The following TMEM132D variants were observed in gnomAD, a reference collection of about 807,000 sequenced individuals.
The protein encoded by TMEM132D is transmembrane protein 132D, also known as mature OL transmembrane protein.
Under a neutral mutation model 62.3 loss-of-function variants are expected in TMEM132D, and 21 were observed. That is an observed-to-expected ratio of 0.34 (90% confidence interval 0.24 to 0.49). The LOEUF is 0.49. Ranked by LOEUF, TMEM132D falls within the 20% of genes least tolerant of loss-of-function variation. The probability of loss-of-function intolerance (pLI) is 0.99; values close to 1 mark genes in which losing one functional copy is unlikely to be tolerated. For missense variants in TMEM132D, 1,346 were observed against 1,402.8 expected (o/e 0.96, Z 0.65); for synonymous variants, 621 against 575.6 (o/e 1.08, Z -1.13).
Position 129,903,971 on chromosome 12 carries a change from G to T in TMEM132D, c.-632C>A, listed in dbSNP as rs1348593414. ...TGCTCCCCGGCCGCCGCCTCGGCCC[G>T]CCCGGCCCCGGGCCCGGCTGGGGCT... On this transcript the variant is annotated 5_prime_UTR_variant, in exon 1 of 9. Coordinates refer to ENST00000422113, the MANE Select transcript of TMEM132D (RefSeq NM_133448.3). The surrounding 1 kb of genome is among the most constrained non-coding windows in gnomAD (Gnocchi z 6.2). Among the ~76,000 whole-genome samples the T allele has an allele frequency of 6.7e-6, 1 of 148,634 alleles. No homozygotes were observed. The highest frequency in any genetic ancestry group is 1.5e-5 in the Non-Finnish European group (1 of 66,606).
chr12:129,846,071 T>C (rs919833765), intron 1 of TMEM132D, among the ~76,000 whole-genome samples: 5 of 152,192 alleles, frequency 3.3e-5, no homozygotes, highest in Non-Finnish European at 7.3e-5. Flanking sequence ...GCATTTCTTA[T>C]GGGGAGGTGC....
intron 3 of TMEM132D, among the ~76,000 whole-genome samples, chr12:129,507,818 C>G (rs1005607640): frequency 2.0e-5 from 3 of 152,150 alleles, no homozygotes; most frequent in Admixed American, 1.3e-4. Flanking sequence ...AGAACTTACT[C>G]ATGTAACCAA....
At chr12:129,818,089 G>C (rs1339950433) in intron 1 of TMEM132D, among the ~76,000 whole-genome samples, 1 of 149,518 alleles carries the variant, frequency 6.7e-6, no homozygotes, top group Non-Finnish European at 1.5e-5. Context: ...TGTGGTGTGG[G>C]GTGTGTGCGT....
At chr12:129,623,920 A>T (rs1448103227) in intron 2 of TMEM132D, among the ~76,000 whole-genome samples, 2 of 152,048 alleles carry the variant, frequency 1.3e-5, no homozygotes, top group African/African-American at 4.8e-5. Flanking sequence ...TTTCCTTTGG[A>T]TAGATACCCA....
At chr12:129,665,842 T>G (rs1880363761) in intron 2 of TMEM132D, among the ~76,000 whole-genome samples, 1 of 152,234 alleles carries the variant, frequency 6.6e-6, no homozygotes, top group Admixed American at 6.5e-5. Flanking sequence ...CATCATGATC[T>G]GTTTTAGCTA....
At chr12:129,686,353 C>T (rs559062304) in intron 2 of TMEM132D, among the ~76,000 whole-genome samples, 1 of 152,266 alleles carries the variant, frequency 6.6e-6, no homozygotes, top group Admixed American at 6.5e-5. Flanking sequence ...AGTGAGTTCT[C>T]ATGAGATCTG....
At chr12:129,712,252 G>A (rs895890355) in intron 1 of TMEM132D, among the ~76,000 whole-genome samples, 4 of 152,070 alleles carry the variant, frequency 2.6e-5, no homozygotes, top group African/African-American at 4.8e-5. Context: ...AGCCTCCCAA[G>A]TAGCTGAAAT....
chr12:129,670,093 AACC>A (rs1452685604), intron 2 of TMEM132D, among the ~76,000 whole-genome samples: 1 of 152,180 alleles, frequency 6.6e-6, no homozygotes, highest in African/African-American at 2.4e-5. Flanking sequence ...GAGGGATTGA[AACC>A]ACCTTTGCAA....
intron 3 of TMEM132D, among the ~76,000 whole-genome samples, chr12:129,523,993 A>C (rs1488339841): frequency 1.3e-5 from 2 of 152,052 alleles, no homozygotes; most frequent in Non-Finnish European, 2.9e-5. Flanking sequence ...TGCATACTTC[A>C]CCTGAACTTG....
chr12:129,547,595 A>G (rs1028649547), intron 2 of TMEM132D, among the ~76,000 whole-genome samples: 5 of 152,190 alleles, frequency 3.3e-5, no homozygotes, highest in African/African-American at 1.2e-4. Context: ...CAGTGGGCAG[A>G]CTTTCATGGA....
intron 1 of TMEM132D, among the ~76,000 whole-genome samples, chr12:129,878,078 G>C (rs1874485293): frequency 6.6e-6 from 1 of 152,120 alleles, no homozygotes; most frequent in Non-Finnish European, 1.5e-5. Context: ...GTTTGCTTCA[G>C]GAAATTTTTG....
At chr12:129,829,858 A>G (rs770700395) in intron 1 of TMEM132D, among the ~76,000 whole-genome samples, 6 of 152,178 alleles carry the variant, frequency 3.9e-5, no homozygotes, top group Non-Finnish European at 8.8e-5. Context: ...TTTACCATCA[A>G]TTAGAACGAC....
At chr12:129,594,537 A>G (rs114481264) in intron 2 of TMEM132D, among the ~76,000 whole-genome samples, 1,916 of 152,358 alleles carry the variant, frequency 0.013, 51 homozygotes, top group African/African-American at 0.044. Context: ...TGGAAAGCAC[A>G]GCCTTTACTC....
At chr12:129,863,101 T>C (rs1264658438) in intron 1 of TMEM132D, among the ~76,000 whole-genome samples, 1 of 152,170 alleles carries the variant, frequency 6.6e-6, no homozygotes, top group Non-Finnish European at 1.5e-5. Context: ...AACAGGCCGG[T>C]TATCAGACAA....
At chr12:129,751,037 G>A (rs1869983775) in intron 1 of TMEM132D, among the ~76,000 whole-genome samples, 1 of 152,182 alleles carries the variant, frequency 6.6e-6, no homozygotes, top group Non-Finnish European at 1.5e-5. Flanking sequence ...AGGTTTGGCA[G>A]TGTTGGGCCC....
Position 129,755,044 on chromosome 12 carries a change from T to C in TMEM132D, c.80-54346A>G, listed in dbSNP as rs543652479. On this transcript the variant is annotated intron_variant, in intron 1 of 8. Coordinates refer to ENST00000422113, the MANE Select transcript of TMEM132D (RefSeq NM_133448.3). ...ACTCCTGTCCTTTCAATGTTATTGTTTCTTAGGCTCCCCCAAGGATTATTT... is the reference window on the plus strand; with the variant it reads ...ACTCCTGTCCTTTCAATGTTATTGTCTCTTAGGCTCCCCCAAGGATTATTT... Among the ~76,000 whole-genome samples, 223 of 152,320 alleles carry C rather than the reference T, an allele frequency of 1.5e-3. 1 individual carries two copies. The highest frequency in any genetic ancestry group is 5.1e-3 in the African/African-American group (212 of 41,584).
At chr12:129,859,754 G>A (rs1326488515) in intron 1 of TMEM132D, among the ~76,000 whole-genome samples, 1 of 152,174 alleles carries the variant, frequency 6.6e-6, no homozygotes, top group Admixed American at 6.5e-5. Context: ...TCAGCCTTTG[G>A]ATTCTTGGAC....
At chr12:129,737,919 T>C (rs1322515851) in intron 1 of TMEM132D, among the ~76,000 whole-genome samples, 6 of 152,256 alleles carry the variant, frequency 3.9e-5, no homozygotes, top group East Asian at 1.9e-4. Context: ...TTTGTATCCA[T>C]TGTGGCAATG....
chr12:129,648,232 C>G, intron 2 of TMEM132D, among the ~76,000 whole-genome samples: 1 of 152,068 alleles, frequency 6.6e-6, no homozygotes, highest in East Asian at 1.9e-4. Context: ...TGGCACCACC[C>G]AGATTGGTAC....
Sources: gnomAD v4.1 joint callset for allele counts (sites outside exome capture counted in the v4.1 genomes callset) on GRCh38, gnomAD v4.1.1 for gene constraint, Gnocchi (gnomAD v3.1) non-coding constraint, MANE v1.5 for transcripts, NCBI Gene and HGNC (gene_info 2026-07-23, HGNC 2026-07-21) for gene names.